Variants in ODR4 observed in about 807,000 individuals in gnomAD.
The protein encoded by ODR4 is protein odr-4 homolog.
ODR4 carries 47 observed loss-of-function variants against 60.2 expected under a neutral mutation model. The ratio of observed to expected loss-of-function variants is 0.78; its 90% CI spans 0.62 to 1.00. The LOEUF (loss-of-function observed/expected upper bound fraction) is 1.00, where lower values mean the gene tolerates loss of function less well. Ranked by LOEUF, ODR4 falls within the 50% of genes least tolerant of loss-of-function variation. The probability of loss-of-function intolerance (pLI) is 0.00; values close to 1 mark genes in which losing one functional copy is unlikely to be tolerated. For missense variants in ODR4, 488 were observed against 530.8 expected, an observed-to-expected ratio of 0.92 and a Z score of 0.79; for synonymous variants, 178 against 175.5, an observed-to-expected ratio of 1.01 and a Z score of -0.11.
chr1:186,376,954 A>T (rs1659798827), intron 1 of ODR4, among the ~76,000 whole-genome samples: 2 of 152,310 alleles, frequency 1.3e-5, no homozygotes, highest in Non-Finnish European at 2.9e-5. Context: ...TGGCTGATAT[A>T]CAACATTTCT....
At chr1:186,399,536 A>C (rs1660841321) in intron 11 of ODR4, among the ~76,000 whole-genome samples, 1 of 150,926 alleles carries the variant, frequency 6.6e-6, no homozygotes, top group African/African-American at 2.4e-5. Context: ...AACACTATCA[A>C]ATTTAGCAAA....
intron 7 of ODR4, 118 bp downstream of exon 7, chr1:186,390,969 G>A (rs1342210429): frequency 9.2e-7 from 1 of 1,081,750 alleles, no homozygotes; most frequent in Non-Finnish European, 1.3e-6. Context: ...TTACAATGTT[G>A]TTATGTGAGT....
chr1:186,390,342 G>A (rs532182695), intron 6 of ODR4, among the ~76,000 whole-genome samples: 2 of 152,322 alleles, frequency 1.3e-5, no homozygotes, highest in Non-Finnish European at 2.9e-5. Context: ...GGACAGAAAG[G>A]AGAATGCCTG....
the ODR4 span, among the ~76,000 whole-genome samples, chr1:186,428,839 AAC>A: frequency 6.6e-6 from 1 of 152,200 alleles, no homozygotes; most frequent in South Asian, 2.1e-4. Flanking sequence ...GAGTAATCAG[AAC>A]ACACACAATT....
rs182369730 is a variant in ODR4 at position 186,408,632 on chromosome 1, A to G, written c.1186+2364A>G. Among the ~76,000 whole-genome samples the G allele has an allele frequency of 1.1e-4, 16 of 149,562 alleles. No individual in the cohort carries two copies. In the East Asian group the frequency reaches 2.9e-3, roughly 27 times the overall value. On this transcript the variant is annotated intron_variant, in intron 12 of 13. Coordinates refer to ENST00000287859, the MANE Select transcript of ODR4 (RefSeq NM_017847.6). Reference sequence around the variant, plus strand: ...TGAACATGTTTATATGTTTATATGAATATGTTTATAAAATATATAATATAA... The same window carrying G: ...TGAACATGTTTATATGTTTATATGAGTATGTTTATAAAATATATAATATAA...
At chr1:186,434,034 T>C in the ODR4 span, among the ~76,000 whole-genome samples, 1 of 152,204 alleles carries the variant, frequency 6.6e-6, no homozygotes, top group African/African-American at 2.4e-5. Context: ...TCCTGTAGTC[T>C]GTCAGTTTTT....
chr1:186,384,536 C>A (rs1476063400), intron 3 of ODR4, among the ~76,000 whole-genome samples: 1 of 150,328 alleles, frequency 6.7e-6, no homozygotes, highest in Non-Finnish European at 1.5e-5. Context: ...ACTTTCTACT[C>A]TAATTTTGCT....
chr1:186,389,246 CAT>C (rs1205868754), intron 5 of ODR4, among the ~76,000 whole-genome samples: 2 of 151,848 alleles, frequency 1.3e-5, no homozygotes, highest in East Asian at 1.9e-4. Context: ...GGTTTGACCT[CAT>C]ATAAAACAGT....
chr1:186,401,917 T>C (rs1660973072), intron 11 of ODR4, among the ~76,000 whole-genome samples: 1 of 152,150 alleles, frequency 6.6e-6, no homozygotes, highest in Admixed American at 6.5e-5. Flanking sequence ...AGTTTGAGAA[T>C]AATTGGTATT....
At chr1:186,427,333 G>A in the ODR4 span, among the ~76,000 whole-genome samples, 1 of 152,158 alleles carries the variant, frequency 6.6e-6, no homozygotes, top group Admixed American at 6.5e-5. Context: ...TGAATCCTTT[G>A]TTGTCATTTC....
At chr1:186,402,226 C>CT (rs898160947) in intron 11 of ODR4, among the ~76,000 whole-genome samples, 92 of 149,380 alleles carry the variant, frequency 6.2e-4, no homozygotes, top group Middle Eastern at 3.4e-3. Flanking sequence ...TTCTTTCTTT[C>CT]TTTCTTTCCT....
Position 186,383,678 on chromosome 1 carries a change from G to GATATATATATATATATATATATATAT in ODR4, c.234+542_234+543insATATATATATATATATATATATATAT, listed in dbSNP as rs60229243. Among the ~76,000 whole-genome samples, 146 of 140,664 alleles carry GATATATATATATATATATATATATAT rather than the reference G, an allele frequency of 1.0e-3. 1 individual carries two copies. Among genetic ancestry groups the GATATATATATATATATATATATATAT allele is most frequent in the African/African-American group, 1.8e-3 (68 of 38,692 alleles). The allele number at this position is 140,664 out of a possible 152,430, so 92.3% of individuals were successfully genotyped here. A position where few individuals can be genotyped will look rare whatever the true frequency, so the allele number is the denominator to read the frequency against. ...ACTCAAACGTGTTTCTGTGTATGTA[G>GATATATATATATATATATATATATAT]ATATATATATATATATATATGGACA... On this transcript the variant is annotated intron_variant, in intron 3 of 13. Transcript: ENST00000287859.
At position 186,383,150 on chromosome 1, in the gene ODR4, C is replaced by T. The variant is rs1465352303; in HGVS notation, c.228C>T (p.Ala76=). The change falls in exon 3 of 14, where the codon GCC becomes GCT. Residue 76 remains alanine, a synonymous_variant. Coordinates refer to ENST00000287859, the MANE Select transcript of ODR4 (RefSeq NM_017847.6). ...ATGAAGAATGGGCCACAGAACATGCCTGCCAGGTTATCTTATTTTTTTGTT... is the reference window on the plus strand; with the variant it reads ...ATGAAGAATGGGCCACAGAACATGCTTGCCAGGTTATCTTATTTTTTTGTT... ...NLDEEWATEH[A]CQVSRMLPGG... is the part of the protein sequence containing the mutation. The T allele has an allele frequency of 1.9e-6, 3 of 1,543,066 alleles. No homozygotes were observed. Among genetic ancestry groups the T allele is most frequent in the Middle Eastern group, 1.7e-4 (1 of 5,938 alleles).
intron 12 of ODR4, chr1:186,411,735 T>A: frequency 3.5e-6 from 1 of 282,288 alleles, no homozygotes; most frequent in African/African-American, 2.3e-5. Context: ...ACTTTTAATA[T>A]TAAAACTTAG....
In ODR4 at chr1:186,420,032, T is replaced by C. The variant is rs1423239963; in HGVS notation, c.*956T>C. 1.3e-5 allele frequency: 2 copies of C among 152,216 alleles called. No individual in the cohort carries two copies. Among genetic ancestry groups the C allele is most frequent in the African/African-American group, 2.4e-5 (1 of 41,462 alleles). The allele number at this position is 152,216 out of a possible 1,614,324, so 9.4% of individuals were successfully genotyped here. On this transcript the variant is annotated 3_prime_UTR_variant, in exon 14 of 14. Transcript: ENST00000287859. ...TTAAGACTTTTGCTTCCAGCAAGTA[T>C]GTTAGACTAGATATTATAAAACAAC...
At chr1:186,422,299 G>A (rs1044151797), downstream of ODR4, among the ~76,000 whole-genome samples, 48 of 152,104 alleles carry the variant, frequency 3.2e-4, 2 homozygotes, top group Non-Finnish European at 1.5e-5. Context: ...AATTTTCAGT[G>A]TGCATTCACC....
intron 2 of ODR4, among the ~76,000 whole-genome samples, chr1:186,381,656 T>C (rs1660036238): frequency 6.6e-6 from 1 of 152,218 alleles, no homozygotes; most frequent in Admixed American, 6.5e-5. Context: ...CTTTTTATGC[T>C]GTAGTATGTA....
Position 186,406,018 on chromosome 1 carries a change from A to C in ODR4, c.1001-65A>C. On this transcript the variant is annotated intron_variant, in intron 11 of 13. Coordinates refer to ENST00000287859, the MANE Select transcript of ODR4 (RefSeq NM_017847.6). ...TATTAGTTTTTGTATGTACTTCTAA[A>C]ATATGTATCACTGATACCAGTGACA... 4 of 1,118,446 alleles carry C rather than the reference A, an allele frequency of 3.6e-6. No individual in the cohort carries two copies. The South Asian group carries it at 9.1e-5, about 26-fold the overall frequency. The allele number at this position is 1,118,446 out of a possible 1,614,324, so 69.3% of individuals were successfully genotyped here. A position where few individuals can be genotyped will look rare whatever the true frequency, so the allele number is the denominator to read the frequency against.
chr1:186,399,840 C>G (rs1309809800), intron 11 of ODR4, among the ~76,000 whole-genome samples: 4 of 152,014 alleles, frequency 2.6e-5, no homozygotes. Flanking sequence ...AGTATCTTAC[C>G]CATTAATAAC....
Sources: gnomAD v4.1 joint callset for allele counts (sites outside exome capture counted in the v4.1 genomes callset) on GRCh38, gnomAD v4.1.1 for gene constraint, MANE v1.5 for transcripts, NCBI Gene and HGNC (gene_info 2026-07-23, HGNC 2026-07-21) for gene names.